The following TENM4 variants were observed in gnomAD, a reference collection of about 807,000 sequenced individuals.
TENM4 encodes teneurin-4.
In TENM4, 82 loss-of-function variants were observed where a neutral mutation model predicts 243.3. That is an observed-to-expected ratio of 0.34 (90% CI 0.28 to 0.40). TENM4 has a LOEUF of 0.40. Among genes scored for constraint, TENM4 ranks in the 10% least tolerant of loss-of-function variants. The probability of loss-of-function intolerance (pLI) is 1.00; values close to 1 mark genes in which losing one functional copy is unlikely to be tolerated. For synonymous variants in TENM4, 1,412 were observed against 1,456.3 expected (o/e 0.97, Z 0.69); for missense variants, 3,138 against 3,673.3 (o/e 0.85, Z 3.77).
chr11:78,981,170 A>T (rs1431892047), intron 6 of TENM4, among the ~76,000 whole-genome samples: 1 of 152,100 alleles, frequency 6.6e-6, no homozygotes, highest in Non-Finnish European at 1.5e-5. Flanking sequence ...CGAGGAGGGG[A>T]TGATGAACAA....
chr11:78,721,412 G>A (rs576718195), intron 24 of TENM4, among the ~76,000 whole-genome samples: 13 of 152,294 alleles, frequency 8.5e-5, no homozygotes, highest in South Asian at 2.1e-4. Context: ...TCACGCGTGC[G>A]CCTTAGAGTG....
intron 3 of TENM4, among the ~76,000 whole-genome samples, chr11:79,210,180 C>T (rs1863930337): frequency 6.6e-6 from 1 of 152,180 alleles, no homozygotes; most frequent in East Asian, 1.9e-4. Context: ...AATGCACTGT[C>T]CTAACTCCTT....
At chr11:79,065,625 C>T (rs1468541382) in intron 5 of TENM4, among the ~76,000 whole-genome samples, 2 of 152,174 alleles carry the variant, frequency 1.3e-5, no homozygotes, top group Admixed American at 1.3e-4. Flanking sequence ...AAGCCTGAAG[C>T]TTGAGAGTGA....
intron 6 of TENM4, among the ~76,000 whole-genome samples, chr11:79,020,098 T>TG (rs1858887606): frequency 6.6e-6 from 1 of 152,202 alleles, no homozygotes; most frequent in South Asian, 2.1e-4. Flanking sequence ...CTTTGTTAAA[T>TG]AGAACAGATC....
At chr11:79,083,170 G>C (rs1860719930) in intron 4 of TENM4, among the ~76,000 whole-genome samples, 1 of 152,190 alleles carries the variant, frequency 6.6e-6, no homozygotes, top group Non-Finnish European at 1.5e-5. Flanking sequence ...ATGGAGAAGA[G>C]GCTGCTGGGG....
chr11:78,840,969 A>G (rs1353575298), intron 12 of TENM4, among the ~76,000 whole-genome samples: 1 of 152,178 alleles, frequency 6.6e-6, no homozygotes, highest in African/African-American at 2.4e-5. Context: ...CAGGTCTATT[A>G]CAAACTTAAA....
intron 9 of TENM4, among the ~76,000 whole-genome samples, chr11:78,889,142 T>A (rs1376236837): frequency 6.6e-6 from 1 of 152,210 alleles, no homozygotes; most frequent in Non-Finnish European, 1.5e-5. Flanking sequence ...CAGGGTCAGG[T>A]GAGCACTGCT....
intron 3 of TENM4, among the ~76,000 whole-genome samples, chr11:79,209,483 G>C (rs892697294): frequency 1.3e-5 from 2 of 152,182 alleles, no homozygotes. Context: ...TAGGTTCACT[G>C]CTCCTTCTTC....
intron 2 of TENM4, among the ~76,000 whole-genome samples, chr11:79,274,373 G>T (rs1040285539): frequency 6.6e-6 from 1 of 152,198 alleles, no homozygotes; most frequent in Admixed American, 6.5e-5. Flanking sequence ...TTAAGATACA[G>T]GAATTTCCTT....
chr11:78,839,399 T>G (rs940506930), intron 12 of TENM4, among the ~76,000 whole-genome samples: 1 of 152,210 alleles, frequency 6.6e-6, no homozygotes, highest in African/African-American at 2.4e-5. Context: ...TAATTTTTAT[T>G]GATTTTTTTT....
intron 2 of TENM4, among the ~76,000 whole-genome samples, chr11:79,236,838 C>T (rs566697717): frequency 7.2e-5 from 11 of 152,258 alleles, no homozygotes; most frequent in Non-Finnish European, 1.3e-4. Flanking sequence ...TGACTATGCT[C>T]GGGTGCACTG....
At chr11:78,872,030 T>C (rs1394052082) in intron 9 of TENM4, among the ~76,000 whole-genome samples, 1 of 152,174 alleles carries the variant, frequency 6.6e-6, no homozygotes, top group Non-Finnish European at 1.5e-5. Context: ...ATAGATTAGG[T>C]GCCTCAAAAC....
At chr11:79,083,568 G>GT in intron 4 of TENM4, among the ~76,000 whole-genome samples, 1 of 152,288 alleles carries the variant, frequency 6.6e-6, no homozygotes, top group East Asian at 1.9e-4. Context: ...TTGAGCTCCC[G>GT]TGACAGGGAG....
At chr11:78,722,062 G>T (rs533777521) in intron 24 of TENM4, among the ~76,000 whole-genome samples, 1 of 152,146 alleles carries the variant, frequency 6.6e-6, no homozygotes. Flanking sequence ...GAGCAGAGAG[G>T]TCAGTTTTCT....
chr11:79,070,099 G>C (rs1860372717), intron 4 of TENM4, 90 bp from the exon 5 acceptor site: 1 of 1,414,160 alleles, frequency 7.1e-7, no homozygotes, highest in African/African-American at 1.4e-5. Flanking sequence ...GCAGCCCTGT[G>C]GACAGAGAAC....
chr11:78,696,148 A>G (rs753898927), intron 28 of TENM4, among the ~76,000 whole-genome samples: 6 of 151,796 alleles, frequency 4.0e-5, no homozygotes, highest in African/African-American at 1.5e-4. Context: ...CAGCTGTGTC[A>G]TGCTGTGTCC....
At chr11:79,276,742 A>G (rs374184280) in intron 2 of TENM4, among the ~76,000 whole-genome samples, 5 of 152,098 alleles carry the variant, frequency 3.3e-5, no homozygotes, top group African/African-American at 1.2e-4. Context: ...TACCACTGCC[A>G]TACTCCTTGC....
chr11:79,284,620 C>T (rs586888), intron 2 of TENM4, among the ~76,000 whole-genome samples: 55,357 of 151,954 alleles, frequency 0.36, 10,245 homozygotes, highest in East Asian at 0.54. Flanking sequence ...GGAATAAATT[C>T]TCATTACTTT....
At chr11:79,121,549 C>A (rs1279964560) in intron 4 of TENM4, among the ~76,000 whole-genome samples, 1 of 152,150 alleles carries the variant, frequency 6.6e-6, no homozygotes, top group African/African-American at 2.4e-5. Flanking sequence ...TCTTCCCTGG[C>A]CCACACAAGA....
Sources: gnomAD v4.1 joint callset for allele counts (sites outside exome capture counted in the v4.1 genomes callset) on GRCh38, gnomAD v4.1.1 for gene constraint, MANE v1.5 for transcripts, NCBI Gene and HGNC (gene_info 2026-07-23, HGNC 2026-07-21) for gene names.